STAMBPL1: variants seen among roughly 807,000 people sequenced by gnomAD.
STAMBPL1 encodes AMSH-like protease.
Under a neutral mutation model 52.9 loss-of-function variants are expected in STAMBPL1, and 44 were observed. The ratio of observed to expected loss-of-function variants is 0.83; its 90% CI spans 0.65 to 1.07. The LOEUF (loss-of-function observed/expected upper bound fraction) is 1.07. Among genes scored for constraint, STAMBPL1 ranks in the 50% least tolerant of loss-of-function variants. STAMBPL1 has a pLI of 0.00. For synonymous variants in STAMBPL1, 164 were observed against 177.3 expected (o/e 0.92, Z 0.60); for missense variants, 511 against 520.8 (o/e 0.98, Z 0.18).
chr10:88,914,436 G>A (rs1023154785), intron 6 of STAMBPL1, 98 bp from the exon 7 acceptor site: 5 of 1,019,520 alleles, frequency 4.9e-6, no homozygotes, highest in Non-Finnish European at 5.2e-6. Context: ...TTTTATTTTT[G>A]AAATTTATGT....
chr10:88,887,891 A>G (rs1031094338), intron 1 of STAMBPL1, among the ~76,000 whole-genome samples: 3 of 152,230 alleles, frequency 2.0e-5, no homozygotes, highest in African/African-American at 7.2e-5. Context: ...TTTGAGAAGA[A>G]TCCGCTTAAG....
intron 2 of STAMBPL1, among the ~76,000 whole-genome samples, chr10:88,902,293 A>G (rs1269516309): frequency 1.3e-5 from 2 of 152,190 alleles, no homozygotes; most frequent in South Asian, 2.1e-4. Context: ...TAGACACATT[A>G]TGTAATCTCC....
At chr10:88,895,805 A>T (rs1844796816) in intron 1 of STAMBPL1, among the ~76,000 whole-genome samples, 1 of 152,214 alleles carries the variant, frequency 6.6e-6, no homozygotes, top group African/African-American at 2.4e-5. Flanking sequence ...GAACCACTTC[A>T]TCTTGGTGGC....
intron 1 of STAMBPL1, among the ~76,000 whole-genome samples, chr10:88,891,468 A>G (rs1260072281): frequency 6.6e-6 from 1 of 152,204 alleles, no homozygotes. Flanking sequence ...CAAATGCTAA[A>G]ATTAGTGGGC....
intron 2 of STAMBPL1, among the ~76,000 whole-genome samples, chr10:88,902,701 G>T (rs1413958406): frequency 6.6e-6 from 1 of 152,050 alleles, no homozygotes; most frequent in African/African-American, 2.4e-5. Context: ...CTCCTGAGTA[G>T]TTGGGAGTAT....
chr10:88,913,448 T>G lies in STAMBPL1; in HGVS notation c.768T>G (p.Ser256Arg). The G allele has an allele frequency of 6.2e-7, 1 of 1,611,200 alleles. No individual in the cohort carries two copies. Among genetic ancestry groups the G allele is most frequent in the Non-Finnish European group, 8.5e-7 (1 of 1,178,320 alleles). Residue 256 changes from serine to arginine, a missense_variant, in exon 6 of 11, where the codon AGT becomes AGG. Transcript: ENST00000371926. ...NRALTPAATL[S>R]AVQNLVVEGL... is the part of the protein sequence containing the mutation. ...CCTTAACGCCAGCTGCTACTCTAAGTGCTGTTCAGAGTAAGTGATGAAATG... is the reference window on the plus strand; with the variant it reads ...CCTTAACGCCAGCTGCTACTCTAAGGGCTGTTCAGAGTAAGTGATGAAATG...
At chr10:88,904,197 C>G (rs1354437073) in intron 2 of STAMBPL1, among the ~76,000 whole-genome samples, 2 of 152,210 alleles carry the variant, frequency 1.3e-5, no homozygotes, top group Admixed American at 1.3e-4. Context: ...TAGACTAACT[C>G]TGTTCTGGGA....
chr10:88,908,457 A>T (rs2231786), intron 3 of STAMBPL1, among the ~76,000 whole-genome samples: 8,210 of 152,172 alleles, frequency 0.054, 570 homozygotes, highest in African/African-American at 0.16. Flanking sequence ...AGTGACTTGA[A>T]CTGTTTGGAA....
chr10:88,913,253 A>G lies in STAMBPL1; in HGVS notation c.573A>G (p.Arg191=), dbSNP rs1564631900. ...AACTCAAGAAGCAAGAGTTAGCCCG[A>G]GGTCAAATGCGAAGTCAGCAAACCT... The part of the protein sequence containing the change: ...EDQLKKQELA[R]GQMRSQQTSG... Residue 191 remains arginine (R), a synonymous_variant, in exon 6 of 11, where the codon CGA becomes CGG. Coordinates refer to ENST00000371926, the MANE Select transcript of STAMBPL1 (RefSeq NM_020799.4). 6.2e-7 allele frequency: 1 copy of G among 1,613,896 alleles called. No individual in the cohort carries two copies. Among genetic ancestry groups the G allele is most frequent in the Admixed American group, 1.7e-5 (1 of 59,964 alleles).
intron 2 of STAMBPL1, among the ~76,000 whole-genome samples, chr10:88,903,445 T>G (rs1011082787): frequency 3.3e-5 from 5 of 152,238 alleles, no homozygotes; most frequent in Non-Finnish European, 5.9e-5. Context: ...TGATCCCTTT[T>G]AAAACCCCAA....
intron 1 of STAMBPL1, among the ~76,000 whole-genome samples, chr10:88,898,495 A>G (rs1209101385): frequency 2.0e-5 from 3 of 152,226 alleles, no homozygotes; most frequent in Non-Finnish European, 4.4e-5. Context: ...GGGCAAAAAG[A>G]TAAAGGAATT....
intron 7 of STAMBPL1, among the ~76,000 whole-genome samples, chr10:88,915,581 A>G (rs1395251259): frequency 9.2e-5 from 14 of 152,186 alleles, no homozygotes; most frequent in Non-Finnish European, 1.9e-4. Context: ...CGTTCACTCC[A>G]TTGTCAGACA....
intron 1 of STAMBPL1, among the ~76,000 whole-genome samples, chr10:88,898,398 A>G (rs937373728): frequency 6.6e-6 from 1 of 152,212 alleles, no homozygotes; most frequent in Non-Finnish European, 1.5e-5. Flanking sequence ...CCTGGACCAC[A>G]TTTTGAGAGC....
chr10:88,890,722 A>G (rs1003394774), intron 1 of STAMBPL1, among the ~76,000 whole-genome samples: 3 of 152,224 alleles, frequency 2.0e-5, no homozygotes, highest in Non-Finnish European at 4.4e-5. Flanking sequence ...AACATTTACA[A>G]TATATTTGCT....
intron 1 of STAMBPL1, among the ~76,000 whole-genome samples, chr10:88,891,275 A>G (rs1844676257): frequency 6.6e-6 from 1 of 152,220 alleles, no homozygotes; most frequent in Non-Finnish European, 1.5e-5. Flanking sequence ...GAATGTTGAG[A>G]AACCTAGATA....
intron 4 of STAMBPL1, among the ~76,000 whole-genome samples, chr10:88,909,889 C>A (rs957408952): frequency 1.3e-5 from 2 of 152,154 alleles, no homozygotes; most frequent in African/African-American, 4.8e-5. Context: ...GTGTGAGCCA[C>A]CGCACCCAGC....
intron 5 of STAMBPL1, among the ~76,000 whole-genome samples, chr10:88,911,724 T>C (rs1293079827): frequency 2.6e-5 from 4 of 152,176 alleles, no homozygotes; most frequent in Non-Finnish European, 5.9e-5. Context: ...CTGAGAATGC[T>C]CATTGAGCTT....
rs751071561 is a variant in STAMBPL1 at position 88,914,580 on chromosome 10, T to C, written c.825T>C (p.Leu275=). The change falls in exon 7 of 11, where the codon CTT becomes CTC. Residue 275 remains leucine (L), a synonymous_variant. Coordinates refer to ENST00000371926, the MANE Select transcript of STAMBPL1 (RefSeq NM_020799.4). ...GATGTGTAGTTTTGCCAGAAGATCT[T>C]TGCCACAAATTTCTGCAACTGGCAG... ...GLRCVVLPED[L]CHKFLQLAES... is the part of the protein sequence containing the mutation. The C allele has an allele frequency of 1.3e-6, 2 of 1,540,124 alleles. No homozygotes were observed. The highest frequency in any genetic ancestry group is 1.8e-6 in the Non-Finnish European group (2 of 1,141,130).
At chr10:88,908,856 C>A in intron 4 of STAMBPL1, 79 bp downstream of exon 4, 1 of 1,159,924 alleles carries the variant, frequency 8.6e-7, no homozygotes, top group South Asian at 1.7e-5. Flanking sequence ...CCCCTTCCTC[C>A]CCTTTCTCTT....
Sources: gnomAD v4.1 joint callset for allele counts (sites outside exome capture counted in the v4.1 genomes callset) on GRCh38, gnomAD v4.1.1 for gene constraint, MANE v1.5 for transcripts, NCBI Gene and HGNC (gene_info 2026-07-23, HGNC 2026-07-21) for gene names.